The following U2SURP variants were observed in gnomAD, a reference collection of about 807,000 sequenced individuals.
The protein encoded by U2SURP is U2 snRNP-associated SURP motif-containing protein.
In U2SURP, 9 loss-of-function variants were observed where a neutral mutation model predicts 144.9. That is an observed-to-expected ratio of 0.06 (90% confidence interval 0.04 to 0.11). The LOEUF (loss-of-function observed/expected upper bound fraction) is 0.11, where lower values mean the gene tolerates loss of function less well. Ranked by LOEUF, U2SURP falls within the 10% of genes least tolerant of loss-of-function variation. The pLI is 1.00. For missense variants in U2SURP, 724 were observed against 1,226.7 expected, an observed-to-expected ratio of 0.59 and a Z score of 6.12; for synonymous variants, 408 against 396.8, an observed-to-expected ratio of 1.03 and a Z score of -0.33.
intron 1 of U2SURP, among the ~76,000 whole-genome samples, chr3:143,008,595 G>A (rs1389767878): frequency 1.3e-5 from 2 of 152,210 alleles, no homozygotes; most frequent in Middle Eastern, 3.2e-3. Context: ...TTTTGAAAAG[G>A]TGGCTTGAGT....
intron 13 of U2SURP, chr3:143,024,334 C>T (rs1269512684): frequency 2.2e-5 from 8 of 369,884 alleles, no homozygotes; most frequent in Middle Eastern, 1.6e-3. Context: ...TTAAGTGTGT[C>T]GTAAATTTCA....
At chr3:143,044,401 A>T (rs1342474870) in intron 24 of U2SURP, among the ~76,000 whole-genome samples, 8 of 149,520 alleles carry the variant, frequency 5.4e-5, no homozygotes, top group Non-Finnish European at 1.5e-5. Context: ...AGATTCTCCC[A>T]TGTCAGCCTC....
intron 24 of U2SURP, among the ~76,000 whole-genome samples, chr3:143,044,959 T>C (rs369205301): frequency 2.0e-5 from 3 of 152,358 alleles, no homozygotes; most frequent in African/African-American, 2.4e-5. Context: ...TTTCCTGGGA[T>C]GTATTCATAT....
At position 143,016,983 on chromosome 3, in the gene U2SURP, A is replaced by T. The variant is rs764724981; in HGVS notation, c.570+8A>T. 6.4e-7 allele frequency: 1 copy of T among 1,568,088 alleles called. No homozygotes were observed. Among genetic ancestry groups the T allele is most frequent in the African/African-American group, 1.4e-5 (1 of 71,538 alleles). On this transcript the variant is annotated splice_region_variant and intron_variant, in intron 6 of 27. Transcript: ENST00000473835. ...ATAGAAACCAAAAAACCTGTAAGTC[A>T]TACTTAAGTAATTGACCATTTATGT... is the stretch of plus-strand genomic sequence containing the variant.
chr3:143,041,450 T>G (rs1934100438), intron 23 of U2SURP, among the ~76,000 whole-genome samples: 1 of 152,008 alleles, frequency 6.6e-6, no homozygotes, highest in African/African-American at 2.4e-5. Flanking sequence ...GAGTTGTACC[T>G]GTATGGTGAT....
chr3:143,016,716 CAT>C, intron 5 of U2SURP, 124 bp from the exon 6 acceptor site: 2 of 828,926 alleles, frequency 2.4e-6, no homozygotes, highest in South Asian at 5.0e-5. Flanking sequence ...AATTTAATTT[CAT>C]ATTTGTTAAT....
In U2SURP at chr3:143,036,580, CT is replaced by C. The variant is rs1379472453; in HGVS notation, c.2064+479del. On this transcript the variant is annotated intron_variant, in intron 20 of 27. Transcript: ENST00000473835. ...TGCTAGTCAAGCTATTATGTTTTCA[CT>C]TTCACTCCTGCAGGATCTTCCTAAT... 2.0e-5 allele frequency among the ~76,000 whole-genome samples: 3 copies of C among 152,038 alleles called. No homozygotes were observed. The East Asian group carries it at 5.8e-4, about 29-fold the overall frequency.
chr3:143,056,264 A>G (rs1298113187), intron 27 of U2SURP, 48 bp from the exon 28 acceptor site: 4 of 1,542,014 alleles, frequency 2.6e-6, no homozygotes, highest in Non-Finnish European at 3.5e-6. Flanking sequence ...AACAGTTTTG[A>G]TCACATGAGT....
At position 143,038,145 on chromosome 3, in the gene U2SURP, A is replaced by T. The variant is rs1458469089; in HGVS notation, c.2259A>T (p.Ile753=). The change falls in exon 22 of 28, where the codon ATA becomes ATT. Residue 753 remains isoleucine (I), a synonymous_variant. Coordinates refer to ENST00000473835, the MANE Select transcript of U2SURP (RefSeq NM_001080415.2). ...ATEDSKKNEP[I]FKVAPSKWEA... The stretch of plus-strand genomic sequence containing the variant: ...AAGACTCAAAAAAGAATGAGCCTAT[A>T]TTTAAAGTTGCCCCATCAAAATGGG... 2 of 1,608,344 alleles carry T rather than the reference A, an allele frequency of 1.2e-6. No homozygotes were observed. The highest frequency in any genetic ancestry group is 2.7e-5 in the African/African-American group (2 of 74,776).
intron 1 of U2SURP, among the ~76,000 whole-genome samples, chr3:143,002,969 C>G (rs559195032): frequency 9.9e-5 from 15 of 152,272 alleles, no homozygotes; most frequent in African/African-American, 3.4e-4. Context: ...TCAACAGACT[C>G]CTGACAAGAA....
chr3:143,018,850 G>A (rs1457052176), intron 6 of U2SURP, among the ~76,000 whole-genome samples: 23 of 152,096 alleles, frequency 1.5e-4, no homozygotes, highest in African/African-American at 7.2e-5. Context: ...GCTTGAACTC[G>A]GGAGGCAGAG....
Position 143,022,863 on chromosome 3 carries a change from T to G in U2SURP, c.1029T>G (p.Ile343Met). Reference protein sequence around the residue: ...RALKNLNGKMIMSFEMKLGWG... With the variant: ...RALKNLNGKMMMSFEMKLGWG... ...ATTTCTTTCTTGTAGGAAAAATGATTATGTCTTTTGAAATGAAGTTAGGTT... is the reference window on the plus strand; with the variant it reads ...ATTTCTTTCTTGTAGGAAAAATGATGATGTCTTTTGAAATGAAGTTAGGTT... The change falls in exon 12 of 28, where the codon ATT (isoleucine) becomes ATG (methionine). Residue 343 changes from isoleucine (I) to methionine (M), a missense_variant. Physicochemically the swap from Ile to Met is conservative, Grantham distance 10 (BLOSUM62 1). This residue lies in a region of U2SURP where 16 missense variants were observed against 18.0 expected (regional missense o/e 0.89). Coordinates refer to ENST00000473835, the MANE Select transcript of U2SURP (RefSeq NM_001080415.2). 1 of 1,570,720 alleles carries G rather than the reference T, an allele frequency of 6.4e-7. No individual in the cohort carries two copies. The highest frequency in any genetic ancestry group is 8.6e-7 in the Non-Finnish European group (1 of 1,161,940).
chr3:143,004,371 T>TG (rs1935711062), intron 1 of U2SURP, among the ~76,000 whole-genome samples: 3 of 143,176 alleles, frequency 2.1e-5, no homozygotes, highest in African/African-American at 7.7e-5. Context: ...TTTTTTTTTT[T>TG]TTTTTTTTTT....
At chr3:143,037,110 A>G in intron 20 of U2SURP, 69 bp from the exon 21 acceptor site, 8 of 1,486,354 alleles carry the variant, frequency 5.4e-6, no homozygotes, top group Admixed American at 2.0e-5. Flanking sequence ...CTGGATTACA[A>G]ATTAATCTTA....
intron 23 of U2SURP, among the ~76,000 whole-genome samples, chr3:143,042,500 C>A (rs1235923862): frequency 6.6e-6 from 1 of 151,748 alleles, no homozygotes; most frequent in Non-Finnish European, 1.5e-5. Flanking sequence ...TTTTGGGTTA[C>A]ATGGATATAT....
At chr3:143,003,286 A>C (rs929830808) in intron 1 of U2SURP, among the ~76,000 whole-genome samples, 1 of 152,182 alleles carries the variant, frequency 6.6e-6, no homozygotes, top group African/African-American at 2.4e-5. Flanking sequence ...CTGTGAAAGG[A>C]ATCAGAATAT....
intron 8 of U2SURP, among the ~76,000 whole-genome samples, 158 bp from the exon 9 acceptor site, chr3:143,021,192 A>G (rs528563973): frequency 1.3e-5 from 2 of 152,168 alleles, no homozygotes; most frequent in South Asian, 2.1e-4. Flanking sequence ...GTCTGTCTCA[A>G]AAAACAACAA....
rs9881390 is a variant in U2SURP, at chr3:143,050,368, C to G, written c.2545-571C>G. Among the ~76,000 whole-genome samples, 7 of 152,112 alleles carry G rather than the reference C, an allele frequency of 4.6e-5. 1 individual carries two copies. Among genetic ancestry groups the G allele is most frequent in the Admixed American group, 4.6e-4 (7 of 15,270 alleles). ...GATTACAGGCGTGAGCCACTGCGCCCGGCCTGGTCTGTTTTAATCAGTATT... is the reference window on the plus strand; with the variant it reads ...GATTACAGGCGTGAGCCACTGCGCCGGGCCTGGTCTGTTTTAATCAGTATT... On this transcript the variant is annotated intron_variant, in intron 24 of 27. Coordinates refer to ENST00000473835, the MANE Select transcript of U2SURP (RefSeq NM_001080415.2).
intron 14 of U2SURP, 61 bp downstream of exon 14, chr3:143,027,314 T>C: frequency 7.6e-7 from 1 of 1,317,632 alleles, no homozygotes; most frequent in Non-Finnish European, 1.1e-6. Flanking sequence ...TTTAACTATT[T>C]TTAAGTATAC....
Sources: allele counts gnomAD v4.1 joint callset (sites outside exome capture counted in the v4.1 genomes callset), GRCh38; gene constraint gnomAD v4.1.1; regional missense constraint gnomAD v4.1.1; transcripts MANE v1.5; gene names NCBI Gene and HGNC (gene_info 2026-07-23, HGNC 2026-07-21).